ALDH1A2: variants seen among roughly 807,000 people sequenced by gnomAD.
The protein encoded by ALDH1A2 is retinal dehydrogenase 2.
In ALDH1A2, 27 loss-of-function variants were observed where a neutral mutation model predicts 60.3. That is an observed-to-expected ratio of 0.45 (90% CI 0.33 to 0.62). The LOEUF (loss-of-function observed/expected upper bound fraction) is 0.62. Ranked by LOEUF, ALDH1A2 falls within the 20% of genes least tolerant of loss-of-function variation. The probability of loss-of-function intolerance (pLI) is 0.02; values close to 1 mark genes in which losing one functional copy is unlikely to be tolerated. For synonymous variants in ALDH1A2, 289 were observed against 232.4 expected, an observed-to-expected ratio of 1.24 and a Z score of -2.21; for missense variants, 581 against 643.8, an observed-to-expected ratio of 0.90 and a Z score of 1.06.
intron 7 of ALDH1A2, among the ~76,000 whole-genome samples, chr15:57,988,479 C>A (rs887767471): frequency 1.3e-5 from 2 of 151,998 alleles, no homozygotes; most frequent in Non-Finnish European, 2.9e-5. Context: ...GAATGTTGAA[C>A]AACAAAAATG....
chr15:58,010,996 T>A (rs1264144293), intron 3 of ALDH1A2, among the ~76,000 whole-genome samples: 1 of 152,190 alleles, frequency 6.6e-6, no homozygotes, highest in African/African-American at 2.4e-5. Flanking sequence ...CATATTCCTG[T>A]GCTTCCAGTA....
intron 1 of ALDH1A2, among the ~76,000 whole-genome samples, chr15:58,053,831 C>T (rs115001235): frequency 1.2e-3 from 190 of 152,256 alleles, no homozygotes; most frequent in African/African-American, 4.4e-3. Context: ...AGAAATTTTT[C>T]ACTCAGTACA....
At chr15:58,058,571 T>C (rs1322996254) in intron 1 of ALDH1A2, among the ~76,000 whole-genome samples, 1 of 151,864 alleles carries the variant, frequency 6.6e-6, no homozygotes, top group Non-Finnish European at 1.5e-5. Flanking sequence ...AAAATATAAC[T>C]TTTTAATATT....
chr15:58,045,742 C>A (rs1199192117), intron 1 of ALDH1A2, among the ~76,000 whole-genome samples: 1 of 151,846 alleles, frequency 6.6e-6, no homozygotes, highest in African/African-American at 2.4e-5. Flanking sequence ...CCGGACCTGT[C>A]AGGGGATGGG....
chr15:57,966,141 T>G (rs1566930736), intron 7 of ALDH1A2, among the ~76,000 whole-genome samples: 1 of 152,206 alleles, frequency 6.6e-6, no homozygotes. Flanking sequence ...ACTGGAGATT[T>G]CAATCACTGC....
chr15:57,987,979 A>C (rs1259824203), intron 7 of ALDH1A2, among the ~76,000 whole-genome samples: 4 of 152,174 alleles, frequency 2.6e-5, no homozygotes, highest in Admixed American at 2.0e-4. Context: ...CGCTACAAGA[A>C]ACGTTAAAGA....
At chr15:57,976,744 T>C (rs909103975) in intron 7 of ALDH1A2, among the ~76,000 whole-genome samples, 1 of 152,218 alleles carries the variant, frequency 6.6e-6, no homozygotes, top group Admixed American at 6.5e-5. Flanking sequence ...TGTGTCTTTA[T>C]GGAAGAATGA....
In ALDH1A2 at chr15:57,966,990, A is replaced by C. The variant is rs11071357; in HGVS notation, c.799-1163T>G. Among the ~76,000 whole-genome samples the C allele has an allele frequency of 8.0e-3, 1,212 of 152,336 alleles. 5 individuals are homozygous for C. Among genetic ancestry groups the C allele is most frequent in the Middle Eastern group, 0.014 (4 of 294 alleles). ...AATTTGGTCTTGTTGAGATGAAAAA[A>C]TGTTATTTGTTCCTGAAATTTTCCT... On this transcript the variant is annotated intron_variant, in intron 7 of 12. Transcript: ENST00000249750.
chr15:57,984,930 T>C (rs1029337489), intron 7 of ALDH1A2, among the ~76,000 whole-genome samples: 13 of 152,240 alleles, frequency 8.5e-5, no homozygotes, highest in African/African-American at 3.1e-4. Context: ...ATTGATTTTT[T>C]TACATATATA....
intron 7 of ALDH1A2, chr15:57,980,051 G>A (rs1894434028): frequency 3.2e-6 from 1 of 317,362 alleles, no homozygotes; most frequent in Non-Finnish European, 6.5e-6. Flanking sequence ...TCCATGGGGG[G>A]GCAGGATGTG....
intron 7 of ALDH1A2, 101 bp downstream of exon 7, chr15:57,992,604 C>T (rs1451801701): frequency 1.8e-6 from 2 of 1,081,774 alleles, no homozygotes; most frequent in Non-Finnish European, 2.8e-6. Flanking sequence ...TACTCACTGC[C>T]CTTTTGGTGT....
At chr15:58,009,194 A>AC (rs1393345448) in intron 4 of ALDH1A2, among the ~76,000 whole-genome samples, 2 of 152,044 alleles carry the variant, frequency 1.3e-5, no homozygotes, top group African/African-American at 4.8e-5. Flanking sequence ...GTCATACCAC[A>AC]CCTACATGAG....
chr15:58,029,672 G>T (rs1033981132), intron 1 of ALDH1A2, among the ~76,000 whole-genome samples: 1 of 150,672 alleles, frequency 6.6e-6, no homozygotes. Context: ...TAATAAAAAA[G>T]AGAGAAAAAT....
At chr15:57,958,651 T>C (rs1346856873) in intron 12 of ALDH1A2, among the ~76,000 whole-genome samples, 3 of 152,110 alleles carry the variant, frequency 2.0e-5, no homozygotes, top group African/African-American at 7.2e-5. Flanking sequence ...TTGCAGGCCA[T>C]GAGATAAATA....
At chr15:58,059,817 C>T (rs941272834) in intron 1 of ALDH1A2, among the ~76,000 whole-genome samples, 2 of 151,998 alleles carry the variant, frequency 1.3e-5, no homozygotes, top group African/African-American at 4.8e-5. Context: ...AAGGAGGATT[C>T]CATAGCTACC....
At chr15:58,062,417 T>A (rs1412159066) in intron 1 of ALDH1A2, among the ~76,000 whole-genome samples, 1 of 152,118 alleles carries the variant, frequency 6.6e-6, no homozygotes, top group Non-Finnish European at 1.5e-5. Flanking sequence ...GGGAATCTGT[T>A]AAGAGATATC....
intron 1 of ALDH1A2, among the ~76,000 whole-genome samples, chr15:58,057,164 T>C (rs1896917914): frequency 6.6e-6 from 1 of 152,048 alleles, no homozygotes; most frequent in Admixed American, 6.6e-5. Context: ...GCTGGATGCA[T>C]CATAAATGTC....
chr15:58,000,246 C>G (rs978004333), intron 4 of ALDH1A2, among the ~76,000 whole-genome samples: 9 of 151,878 alleles, frequency 5.9e-5, no homozygotes, highest in Non-Finnish European at 1.2e-4. Context: ...TTTGCATTTT[C>G]ACGTGGATGG....
At chr15:57,970,288 C>T (rs1209213581) in intron 7 of ALDH1A2, among the ~76,000 whole-genome samples, 7 of 152,180 alleles carry the variant, frequency 4.6e-5, no homozygotes, top group African/African-American at 1.7e-4. Flanking sequence ...CTTTGCACTC[C>T]CTGCAGAGCC....
Sources: allele counts gnomAD v4.1 joint callset (sites outside exome capture counted in the v4.1 genomes callset), GRCh38; gene constraint gnomAD v4.1.1; transcripts MANE v1.5; gene names NCBI Gene and HGNC (gene_info 2026-07-23, HGNC 2026-07-21).